Variants in NRIP1 observed in about 807,000 individuals in gnomAD.
NRIP1 encodes the protein nuclear receptor-interacting protein 1.
NRIP1 carries 28 observed loss-of-function variants against 75.0 expected under a neutral mutation model. The observed-to-expected ratio is 0.37, with a 90% CI of 0.28 to 0.51. The LOEUF is 0.51. Among genes scored for constraint, NRIP1 ranks in the 20% least tolerant of loss-of-function variants. The pLI is 0.92. For missense variants in NRIP1, 1,435 were observed against 1,343.7 expected, an observed-to-expected ratio of 1.07 and a Z score of -1.06; for synonymous variants, 526 against 487.6, an observed-to-expected ratio of 1.08 and a Z score of -1.04.
rs762036529 is a variant in NRIP1, at chr21:14,966,743, G to C, written c.1450C>G (p.Gln484Glu). Residue 484 changes from glutamine to glutamate, a missense_variant, in exon 4 of 4, where the codon CAA (glutamine) becomes GAA (glutamate). By Grantham distance (29) the Gln-to-Glu change is conservative. Coordinates refer to ENST00000318948, the MANE Select transcript of NRIP1 (RefSeq NM_003489.4). ...AGCTTAGAATTCTTTGAGGTATCTT[G>C]ATCTTCTTTGATATCTACATCTGGG... ...KVPDVDIKEDQDTSKNSKLNS... is the reference protein window; with the variant it reads ...KVPDVDIKEDEDTSKNSKLNS... 1 of 1,614,024 alleles carries C rather than the reference G, an allele frequency of 6.2e-7. No homozygotes were observed. Among genetic ancestry groups the C allele is most frequent in the Non-Finnish European group, 8.5e-7 (1 of 1,179,972 alleles).
intron 1 of NRIP1, among the ~76,000 whole-genome samples, chr21:15,048,977 C>A (rs1402501953): frequency 1.3e-5 from 2 of 150,370 alleles, no homozygotes; most frequent in African/African-American, 4.8e-5. Flanking sequence ...TACACACACA[C>A]ACGTATTCAT....
At chr21:14,992,284 A>C (rs775089910) in intron 3 of NRIP1, 2 of 152,162 alleles carry the variant, frequency 1.3e-5, no homozygotes, top group Non-Finnish European at 2.9e-5. Context: ...CCCGGACTCA[A>C]GTGATCCCCC....
At chr21:15,012,974 AAT>A (rs2088145005) in intron 3 of NRIP1, among the ~76,000 whole-genome samples, 1 of 152,134 alleles carries the variant, frequency 6.6e-6, no homozygotes, top group Admixed American at 6.5e-5. Flanking sequence ...CGGTCACAGG[AAT>A]ATGCATGATT....
chr21:14,997,097 T>C (rs943662504), intron 3 of NRIP1, among the ~76,000 whole-genome samples: 2 of 152,112 alleles, frequency 1.3e-5, no homozygotes, highest in African/African-American at 4.8e-5. Context: ...TTCAGACTTT[T>C]AAAGTCAGAT....
intron 1 of NRIP1, among the ~76,000 whole-genome samples, chr21:15,052,861 T>G (rs913806722): frequency 2.0e-5 from 3 of 151,774 alleles, no homozygotes; most frequent in African/African-American, 7.3e-5. Context: ...TTCATACAAT[T>G]AAAAAAAAGG....
intron 2 of NRIP1, among the ~76,000 whole-genome samples, chr21:15,031,116 T>C (rs2088669741): frequency 7.6e-6 from 1 of 131,090 alleles, no homozygotes. Flanking sequence ...ATTCCCTTTC[T>C]ATGTGTATAC....
chr21:14,996,489 T>C (rs773758774), intron 3 of NRIP1, among the ~76,000 whole-genome samples: 2 of 152,134 alleles, frequency 1.3e-5, no homozygotes, highest in Non-Finnish European at 2.9e-5. Context: ...CCCGCTAAGA[T>C]ACGTCTTTCC....
intron 2 of NRIP1, among the ~76,000 whole-genome samples, chr21:15,041,969 G>A (rs1042422338): frequency 6.6e-6 from 1 of 151,838 alleles, no homozygotes; most frequent in Non-Finnish European, 1.5e-5. Context: ...CCCCGTAACC[G>A]ACAAAAAGAG....
rs185015793 is a variant in NRIP1, at chr21:15,055,253, C to T, written c.-538+9492G>A. On this transcript the variant is annotated intron_variant, in intron 1 of 3. Coordinates refer to ENST00000318948, the MANE Select transcript of NRIP1 (RefSeq NM_003489.4). Reference sequence around the variant, plus strand: ...CTACATTAATGGTGTTGGAATACTACTCATCAGTAAAAAGTAGAGCTGGCC... The same window carrying T: ...CTACATTAATGGTGTTGGAATACTATTCATCAGTAAAAAGTAGAGCTGGCC... 2.0e-3 allele frequency among the ~76,000 whole-genome samples: 309 copies of T among 152,322 alleles called. 1 individual carries two copies. The highest frequency in any genetic ancestry group is 3.4e-3 in the Non-Finnish European group (234 of 68,022).
At chr21:15,055,195 T>A (rs946945363) in intron 1 of NRIP1, among the ~76,000 whole-genome samples, 1 of 152,160 alleles carries the variant, frequency 6.6e-6, no homozygotes, top group African/African-American at 2.4e-5. Flanking sequence ...AACTTTGAGA[T>A]ATGTTTCCAG....
At position 15,036,196 on chromosome 21, in the gene NRIP1, C is replaced by G. The variant is rs185025976; in HGVS notation, c.-458+7299G>C. Among the ~76,000 whole-genome samples the G allele has an allele frequency of 3.9e-5, 6 of 152,242 alleles. No homozygotes were observed. In the East Asian group the frequency reaches 1.2e-3, roughly 29 times the overall value. ...AAAAAAATGCTGAATATTTTCTAAA[C>G]TTTATGCCCTAGATAATAAAGGGCT... On this transcript the variant is annotated intron_variant, in intron 2 of 3. Coordinates refer to ENST00000318948, the MANE Select transcript of NRIP1 (RefSeq NM_003489.4).
chr21:15,046,094 C>A (rs1367709498), intron 1 of NRIP1, among the ~76,000 whole-genome samples: 2 of 152,202 alleles, frequency 1.3e-5, no homozygotes, highest in Admixed American at 6.5e-5. Flanking sequence ...ATTTTGACCT[C>A]CTCCCATTAA....
chr21:15,028,559 A>C (rs1256381107), intron 2 of NRIP1, among the ~76,000 whole-genome samples: 1 of 152,218 alleles, frequency 6.6e-6, no homozygotes, highest in Non-Finnish European at 1.5e-5. Context: ...CTGAAAAATC[A>C]GGCACTGATT....
chr21:14,974,344 C>G (rs1193286103), intron 3 of NRIP1: 1 of 152,076 alleles, frequency 6.6e-6, no homozygotes, highest in East Asian at 1.9e-4. Context: ...ACTCTTGGGT[C>G]TTCTTCTTGT....
chr21:14,964,998 G>C lies in NRIP1; in HGVS notation c.3195C>G (p.Asn1065Lys). ...EKDSPRLTKT[N>K]PILYYMLQKG... ...TTTGAAGCATGTAATATAGTATTGGGTTGGTTTTGGTCAATCTTGGAGAGT... is the reference window on the plus strand; with the variant it reads ...TTTGAAGCATGTAATATAGTATTGGCTTGGTTTTGGTCAATCTTGGAGAGT... The change falls in exon 4 of 4, where the codon AAC (asparagine) becomes AAG (lysine). Residue 1065 changes from asparagine to lysine, a missense_variant. Asn to Lys is a moderately conservative substitution (Grantham distance 94, BLOSUM62 0). Coordinates refer to ENST00000318948, the MANE Select transcript of NRIP1 (RefSeq NM_003489.4). 6.2e-7 allele frequency: 1 copy of C among 1,613,986 alleles called. No homozygotes were observed. The highest frequency in any genetic ancestry group is 1.1e-5 in the South Asian group (1 of 91,080).
intron 3 of NRIP1, among the ~76,000 whole-genome samples, chr21:15,006,265 G>GA (rs749620446): frequency 6.6e-6 from 1 of 152,140 alleles, no homozygotes; most frequent in Non-Finnish European, 1.5e-5. Flanking sequence ...CATGACATTT[G>GA]ATGTTTTAGC....
At chr21:15,007,352 A>G (rs923987397) in intron 3 of NRIP1, among the ~76,000 whole-genome samples, 1 of 152,224 alleles carries the variant, frequency 6.6e-6, no homozygotes, top group Non-Finnish European at 1.5e-5. Context: ...GCTGCTTTGA[A>G]TATTTAAAAA....
chr21:14,995,706 G>C (rs796623123), intron 3 of NRIP1, among the ~76,000 whole-genome samples: 3 of 152,236 alleles, frequency 2.0e-5, no homozygotes, highest in Admixed American at 1.3e-4. Context: ...TGATTAGAGA[G>C]ACTATTTTTA....
chr21:15,064,189 C>T (rs1978617425), intron 1 of NRIP1, among the ~76,000 whole-genome samples: 1 of 152,240 alleles, frequency 6.6e-6, no homozygotes, highest in South Asian at 2.1e-4. Context: ...GTCCGTGAGC[C>T]TCGCCATCGG....
Sources: allele counts gnomAD v4.1 joint callset (sites outside exome capture counted in the v4.1 genomes callset), GRCh38; gene constraint gnomAD v4.1.1; transcripts MANE v1.5; gene names NCBI Gene and HGNC (gene_info 2026-07-23, HGNC 2026-07-21).